The following RELB variants were observed in gnomAD, a reference collection of about 807,000 sequenced individuals.
RELB encodes transcription factor RelB.
In RELB, 14 loss-of-function variants were observed where a neutral mutation model predicts 55.4. That is an observed-to-expected ratio of 0.25 (90% CI 0.17 to 0.40). The LOEUF (loss-of-function observed/expected upper bound fraction) is 0.40. RELB is among the 10% of genes least tolerant of loss of function. The pLI is 1.00. For missense variants in RELB, 669 were observed against 830.7 expected, an observed-to-expected ratio of 0.81 and a Z score of 2.39; for synonymous variants, 409 against 371.3, an observed-to-expected ratio of 1.10 and a Z score of -1.17.
intron 8 of RELB, among the ~76,000 whole-genome samples, chr19:45,029,799 G>A (rs1456083175): frequency 3.3e-5 from 5 of 151,916 alleles, no homozygotes; most frequent in South Asian, 2.1e-4. Context: ...TCAGTGAGCC[G>A]AGATCACGCC....
At chr19:45,024,224 C>G (rs1351997202) in intron 5 of RELB, among the ~76,000 whole-genome samples, 1 of 151,368 alleles carries the variant, frequency 6.6e-6, no homozygotes, top group East Asian at 2.0e-4. Context: ...TGCAGTGGCG[C>G]GATCTCGGCT....
chr19:45,015,732 C>T (rs1971413153), intron 4 of RELB, among the ~76,000 whole-genome samples: 1 of 88,702 alleles, frequency 1.1e-5, no homozygotes, highest in African/African-American at 5.0e-5. Context: ...AAGATGCTAT[C>T]TCAAAAAAAA....
intron 6 of RELB, 84 bp from the exon 7 acceptor site, chr19:45,025,522 C>G (rs1310762465): frequency 1.3e-6 from 2 of 1,581,384 alleles, no homozygotes; most frequent in Non-Finnish European, 1.7e-6. Context: ...CCGTCTCCTC[C>G]AGCCCCATCC....
intron 2 of RELB, among the ~76,000 whole-genome samples, chr19:45,004,091 T>A (rs1033947636): frequency 1.3e-5 from 2 of 151,230 alleles, no homozygotes; most frequent in Non-Finnish European, 2.9e-5. Context: ...ACCCACTTTG[T>A]GTCTTTAGTA....
chr19:45,011,791 TGTGTGTGAGAGAGAGAGAGAGAGAGA>T lies in RELB; in HGVS notation c.164-143_164-118del, dbSNP rs1395735533. The T allele has an allele frequency of 1.9e-5, 5 of 267,368 alleles. No homozygotes were observed. The African/African-American group carries it at 2.3e-4, about 12-fold the overall frequency. 16.6% of individuals were successfully genotyped at this position (267,368 alleles called of 1,614,324 possible). The stretch of plus-strand genomic sequence containing the variant: ...GTGTGTGTGTGTGTGTGTGTGTGTG[TGTGTGTGAGAGAGAGAGAGAGAGAGA>T]GAGAGAGAGAGAGAGAGATAAATGG... On this transcript the variant is annotated intron_variant, in intron 3 of 11. Transcript: ENST00000221452.
At chr19:45,008,976 G>A (rs1249992880) in intron 2 of RELB, among the ~76,000 whole-genome samples, 3 of 152,330 alleles carry the variant, frequency 2.0e-5, no homozygotes, top group South Asian at 4.1e-4. Context: ...CACTTAGGAA[G>A]CAGGGGTGAA....
chr19:45,013,832 A>G (rs1207323077), intron 4 of RELB, among the ~76,000 whole-genome samples: 1 of 151,650 alleles, frequency 6.6e-6, no homozygotes, highest in Non-Finnish European at 1.5e-5. Flanking sequence ...AACTCCTTCT[A>G]AAAAAAAGAA....
At chr19:45,005,654 A>G (rs1600061537) in intron 2 of RELB, among the ~76,000 whole-genome samples, 1 of 152,048 alleles carries the variant, frequency 6.6e-6, no homozygotes, top group East Asian at 1.9e-4. Flanking sequence ...CCCAGCCTGG[A>G]GTGTAGTGTC....
At chr19:45,036,700 G>C (rs1971689812) in intron 11 of RELB, among the ~76,000 whole-genome samples, 1 of 151,790 alleles carries the variant, frequency 6.6e-6, no homozygotes, top group African/African-American at 2.4e-5. Context: ...ATTATTTTTA[G>C]AGATAAGGTC....
chr19:45,023,690 G>A (rs61352043), intron 5 of RELB, among the ~76,000 whole-genome samples: 186 of 149,514 alleles, frequency 1.2e-3, no homozygotes, highest in African/African-American at 4.4e-3. Context: ...CGCCCGCCTC[G>A]GCCTCCCAAA....
intron 2 of RELB, among the ~76,000 whole-genome samples, chr19:45,004,100 T>C (rs1350815111): frequency 6.6e-6 from 1 of 151,140 alleles, no homozygotes; most frequent in African/African-American, 2.4e-5. Flanking sequence ...GTGTCTTTAG[T>C]AGAGATGGGG....
intron 7 of RELB, among the ~76,000 whole-genome samples, 185 bp from the exon 8 acceptor site, chr19:45,028,703 T>A (rs1971586211): frequency 6.6e-6 from 1 of 152,172 alleles, no homozygotes; most frequent in Non-Finnish European, 1.5e-5. Flanking sequence ...CGTTAACCCC[T>A]TCTGTCCGAG....
chr19:45,021,616 C>A (rs1385724334), intron 4 of RELB, among the ~76,000 whole-genome samples: 21 of 139,224 alleles, frequency 1.5e-4, no homozygotes, highest in South Asian at 9.5e-4. Context: ...ATTCTGTCAC[C>A]CAGGCTGGAG....
chr19:45,031,228 C>A (rs1971617338), intron 8 of RELB, among the ~76,000 whole-genome samples: 1 of 151,894 alleles, frequency 6.6e-6, no homozygotes, highest in Admixed American at 6.6e-5. Flanking sequence ...TTTTAAGAAC[C>A]AGGCTCTCGC....
At chr19:45,020,407 A>G (rs1971469485) in intron 4 of RELB, among the ~76,000 whole-genome samples, 1 of 151,492 alleles carries the variant, frequency 6.6e-6, no homozygotes, top group African/African-American at 2.4e-5. Context: ...TATTTTTTAT[A>G]GAGACGGGGT....
Position 45,021,034 on chromosome 19 carries a change from G to T in RELB, c.505-1019G>T, listed in dbSNP as rs35698916. Among the ~76,000 whole-genome samples the T allele has an allele frequency of 7.5e-3, 1,144 of 152,222 alleles. 18 individuals carry two copies. Among genetic ancestry groups the T allele is most frequent in the African/African-American group, 0.024 (1,014 of 41,564 alleles). Reference sequence around the variant, plus strand: ...TACTGAAAACACAAAAATTAGCCAGGCATGGTAGTGTGCGCCTGTAGTCCC... The same window carrying T: ...TACTGAAAACACAAAAATTAGCCAGTCATGGTAGTGTGCGCCTGTAGTCCC... On this transcript the variant is annotated intron_variant, in intron 4 of 11. Transcript: ENST00000221452.
intron 11 of RELB, among the ~76,000 whole-genome samples, chr19:45,036,017 C>T (rs1971681866): frequency 6.6e-6 from 1 of 152,152 alleles, no homozygotes; most frequent in South Asian, 2.1e-4. Flanking sequence ...CATCAGGCTG[C>T]AAGGAAGGCT....
intron 4 of RELB, among the ~76,000 whole-genome samples, chr19:45,012,769 C>G (rs1416137427): frequency 6.7e-6 from 1 of 150,290 alleles, no homozygotes; most frequent in East Asian, 2.0e-4. Flanking sequence ...GAAGGCAGAT[C>G]GTGGTGCGGT....
chr19:45,003,719 T>C (rs1279174262), intron 2 of RELB: 1 of 457,156 alleles, frequency 2.2e-6, no homozygotes, highest in East Asian at 5.7e-5. Context: ...GTGCCTCTCT[T>C]TCAGGGAAAT....
Sources: gnomAD v4.1 joint callset for allele counts (sites outside exome capture counted in the v4.1 genomes callset) on GRCh38, gnomAD v4.1.1 for gene constraint, MANE v1.5 for transcripts, NCBI Gene and HGNC (gene_info 2026-07-23, HGNC 2026-07-21) for gene names.